The following ZNF324B variants were observed in gnomAD, a reference collection of about 807,000 sequenced individuals.
ZNF324B encodes the protein zinc finger protein 324B.
In ZNF324B, 7 loss-of-function variants were observed where a neutral mutation model predicts 10.6. That is an observed-to-expected ratio of 0.66 (90% CI 0.38 to 1.24). ZNF324B has a LOEUF of 1.24. ZNF324B is among the 50% of genes most tolerant of loss of function. The pLI is 0.02. For missense variants in ZNF324B, 640 were observed against 764.7 expected (o/e 0.84, Z 1.92); for synonymous variants, 316 against 321.0 (o/e 0.98, Z 0.17).
At chr19:58,434,766 A>T in the ZNF324B span, 1 of 1,614,206 alleles carries the variant, frequency 6.2e-7, no homozygotes, top group African/African-American at 1.3e-5. Flanking sequence ...AGACTTCTGG[A>T]AGCTGCCCAA....
At chr19:58,432,194 C>T in the ZNF324B span, 2 of 413,222 alleles carry the variant, frequency 4.8e-6, no homozygotes, top group South Asian at 1.8e-5. Context: ...TCCTGGACGT[C>T]AGGCTATCAC....
chr19:58,456,054 T>A lies in ZNF324B; in HGVS notation c.1110T>A (p.Ala370=), dbSNP rs767467155. The A allele has an allele frequency of 6.8e-6, 11 of 1,610,694 alleles. No homozygotes were observed. Among genetic ancestry groups the A allele is most frequent in the Non-Finnish European group, 8.5e-6 (10 of 1,179,668 alleles). The change falls in exon 4 of 4, where the codon GCT becomes GCA. Residue 370 remains alanine, a synonymous_variant. Transcript: ENST00000336614. This position sits in a 1 kb window ranked among gnomAD's most constrained non-coding sequence, Gnocchi z 4.7. ...RKIHAGGRPY[A]CAQCGRRFCR... ...TCCACGCGGGTGGGCGTCCTTATGC[T>A]TGCGCACAGTGTGGCCGCCGCTTCT...
the ZNF324B span, chr19:58,437,350 C>T: frequency 1.9e-6 from 2 of 1,045,474 alleles, no homozygotes; most frequent in Non-Finnish European, 2.7e-6. Flanking sequence ...CACCCATCCA[C>T]AGCTTATCTT....
At position 58,454,291 on chromosome 19, in the gene ZNF324B, C is replaced by T. The variant is rs1356440050; in HGVS notation, c.185C>T (p.Pro62Leu). Residue 62 changes from proline (P) to leucine (L), a missense_variant, in exon 3 of 4, where the codon CCC becomes CTC. By Grantham distance (98) the Pro-to-Leu change is moderately conservative (BLOSUM62 -3). Transcript: ENST00000336614. The part of the protein sequence containing the change: ...QLERGEEPWV[P>L]SGKDMTLARN... The stretch of plus-strand genomic sequence containing the variant: ...GAGCGTGGCGAGGAGCCCTGGGTTC[C>T]CAGTGGAAAGGACATGACCCTGGCC... 6.2e-7 allele frequency: 1 copy of T among 1,614,146 alleles called. No individual in the cohort carries two copies. The highest frequency in any genetic ancestry group is 8.5e-7 in the Non-Finnish European group (1 of 1,180,020).
the ZNF324B span, among the ~76,000 whole-genome samples, chr19:58,422,785 A>G: frequency 1.1e-3 from 162 of 152,058 alleles, no homozygotes; most frequent in Middle Eastern, 3.4e-3. Flanking sequence ...TCTTCTGCCC[A>G]CAAATAACCC....
the ZNF324B span, chr19:58,436,755 G>A: frequency 7.7e-3 from 3,459 of 451,058 alleles, 13 homozygotes; most frequent in Non-Finnish European, 0.011. Context: ...TGGGTAACCC[G>A]ACCAGGGATT....
the ZNF324B span, chr19:58,433,929 G>A: frequency 6.2e-6 from 10 of 1,613,886 alleles, no homozygotes; most frequent in Admixed American, 3.3e-5. Context: ...GTACTTTCTG[G>A]TGCTGGATGA....
upstream of ZNF324B, among the ~76,000 whole-genome samples, chr19:58,446,863 C>T (rs377512839): frequency 7.9e-5 from 12 of 152,222 alleles, 2 homozygotes; most frequent in South Asian, 2.5e-3. Flanking sequence ...GCATGAGCCA[C>T]TGCACCCGAC....
intron 1 of ZNF324B, chr19:58,452,758 AG>A: frequency 1.6e-6 from 1 of 606,302 alleles, no homozygotes; most frequent in Non-Finnish European, 2.1e-6. Flanking sequence ...ATGAGCAGTC[AG>A]GCGTGCGGAG....
At chr19:58,432,987 C>A in the ZNF324B span, 1 of 195,234 alleles carries the variant, frequency 5.1e-6, no homozygotes, top group South Asian at 1.1e-4. Flanking sequence ...CCCTCAAGGC[C>A]CCTCAACCAG....
chr19:58,437,692 T>C, the ZNF324B span: 1 of 984,778 alleles, frequency 1.0e-6, no homozygotes, highest in African/African-American at 1.7e-5. Flanking sequence ...ACTGTAGGCA[T>C]TCTCCCTAGC....
chr19:58,437,099 C>T, the ZNF324B span: 2 of 1,613,998 alleles, frequency 1.2e-6, no homozygotes, highest in Non-Finnish European at 1.7e-6. Context: ...GGTACAGGTG[C>T]CTCTGGGCTG....
Position 58,455,289 on chromosome 19 carries a change from C to T in ZNF324B, c.345C>T (p.Ala115=), listed in dbSNP as rs1176516215. ...MTTSVFPVAD[A]CHSVKSLQRQ... ...CTAGCGTCTTCCCAGTTGCCGATGC[C>T]TGCCACAGTGTAAAAAGCCTGCAGC... The change falls in exon 4 of 4, where the codon GCC becomes GCT. Residue 115 remains alanine (A), a synonymous_variant. Transcript: ENST00000336614. The surrounding 1 kb of genome is among the most constrained non-coding windows in gnomAD (Gnocchi z 7.0). 3 of 1,614,112 alleles carry T rather than the reference C, an allele frequency of 1.9e-6. No individual in the cohort carries two copies. The highest frequency in any genetic ancestry group is 2.5e-6 in the Non-Finnish European group (3 of 1,180,054).
the ZNF324B span, among the ~76,000 whole-genome samples, chr19:58,426,210 G>A: frequency 2.6e-5 from 4 of 152,198 alleles, no homozygotes; most frequent in Admixed American, 6.5e-5. Context: ...TAGAGGATCT[G>A]GGTTTCACAA....
At chr19:58,450,267 A>AT (rs1250476726), upstream of ZNF324B, among the ~76,000 whole-genome samples, 1 of 152,070 alleles carries the variant, frequency 6.6e-6, no homozygotes, top group Non-Finnish European at 1.5e-5. Context: ...TTCTTTATAA[A>AT]TTACCCAGTC....
At chr19:58,451,585 T>G (rs770882160), upstream of ZNF324B, 2 of 516,620 alleles carry the variant, frequency 3.9e-6, no homozygotes, top group South Asian at 2.8e-5. Flanking sequence ...ATTGGGGCAA[T>G]GTGAGCTCTG....
chr19:58,433,965 A>G, the ZNF324B span: 2 of 1,613,820 alleles, frequency 1.2e-6, no homozygotes, highest in African/African-American at 1.3e-5. Flanking sequence ...TGAAGGCTTT[A>G]CCACAATCAC....
At chr19:58,447,485 T>G (rs966440430), upstream of ZNF324B, among the ~76,000 whole-genome samples, 1 of 152,260 alleles carries the variant, frequency 6.6e-6, no homozygotes, top group African/African-American at 2.4e-5. Flanking sequence ...TTTCTAAGTA[T>G]TAAGTAATTA....
the ZNF324B span, chr19:58,441,185 C>A: frequency 2.0e-5 from 3 of 152,286 alleles, no homozygotes; most frequent in Non-Finnish European, 4.4e-5. Context: ...CCGAGGGCGC[C>A]TGGGAGCCAT....
Sources: allele counts gnomAD v4.1 joint callset (sites outside exome capture counted in the v4.1 genomes callset), GRCh38; gene constraint gnomAD v4.1.1; non-coding constraint Gnocchi (gnomAD v3.1); transcripts MANE v1.5; gene names NCBI Gene and HGNC (gene_info 2026-07-23, HGNC 2026-07-21).